The following NECAP1 variants were observed in gnomAD, a reference collection of about 807,000 sequenced individuals.
NECAP1 encodes the protein NECAP endocytosis associated 1.
A neutral mutation model predicts 33.4 loss-of-function variants in NECAP1; 13 were observed. The ratio of observed to expected loss-of-function variants is 0.39; its 90% CI spans 0.25 to 0.62. The LOEUF is 0.62. Among genes scored for constraint, NECAP1 ranks in the 20% least tolerant of loss-of-function variants. NECAP1 has a pLI of 0.52. For synonymous variants in NECAP1, 109 were observed against 125.2 expected, an observed-to-expected ratio of 0.87 and a Z score of 0.86; for missense variants, 272 against 347.4, an observed-to-expected ratio of 0.78 and a Z score of 1.73.
In NECAP1 at chr12:8,095,722, C is replaced by T; in HGVS notation, c.779+19C>T. On this transcript the variant is annotated intron_variant, in intron 7 of 7. Transcript: ENST00000339754. ...CCTCCAGGTAATGGGCATAGTGAAA[C>T]TAGCATACTCTCAATCAGGGTGTAG... The T allele has an allele frequency of 3.2e-6, 5 of 1,570,630 alleles. No homozygotes were observed. In the South Asian group the frequency reaches 5.5e-5, roughly 17 times the overall value.
intron 6 of NECAP1, chr12:8,094,597 TC>T (rs1403436723): frequency 2.0e-5 from 3 of 152,270 alleles, no homozygotes; most frequent in Non-Finnish European, 4.4e-5. Context: ...CTCCCAAACA[TC>T]TGGGACTACA....
rs749261096 is a variant in NECAP1, at chr12:8,087,010, T to G, written c.96-2926T>G. 3.4e-3 allele frequency among the ~76,000 whole-genome samples: 471 copies of G among 140,384 alleles called. 4 individuals are homozygous for G. Among genetic ancestry groups the G allele is most frequent in the African/African-American group, 0.011 (454 of 40,504 alleles). The allele number at this position is 140,384 out of a possible 152,430, so 92.1% of individuals were successfully genotyped here. ...GTTTTCCAACCTATAAAACTATTTT[T>G]TTTTAAAAAAAAATTCTTCACTACC... On this transcript the variant is annotated intron_variant, in intron 1 of 7. Coordinates refer to ENST00000339754, the MANE Select transcript of NECAP1 (RefSeq NM_015509.4).
At chr12:8,084,994 T>C (rs1250483143) in intron 1 of NECAP1, among the ~76,000 whole-genome samples, 1 of 152,140 alleles carries the variant, frequency 6.6e-6, no homozygotes, top group Non-Finnish European at 1.5e-5. Context: ...ATGATACATA[T>C]TGAAGTGGGA....
In NECAP1 at chr12:8,095,694, C is replaced by T; in HGVS notation, c.770C>T (p.Thr257Ile). The T allele has an allele frequency of 6.2e-7, 1 of 1,611,468 alleles. No homozygotes were observed. Among genetic ancestry groups the T allele is most frequent in the African/African-American group, 1.3e-5 (1 of 75,002 alleles). ...AATGACTTGTGGGGAGACTTCAGCA[C>T]TGCCTCCAGGTAATGGGCATAGTGA... ...VSNDLWGDFS[T>I]ASSSVPNQAP... Residue 257 changes from threonine (T) to isoleucine (I), a missense_variant, in exon 7 of 8, where the codon ACT (threonine) becomes ATT (isoleucine). By Grantham distance (89) the Thr-to-Ile change is moderately conservative. Transcript: ENST00000339754.
At chr12:8,092,213 A>T (rs988260376) in intron 4 of NECAP1, 4 of 314,258 alleles carry the variant, frequency 1.3e-5, no homozygotes, top group African/African-American at 8.8e-5. Flanking sequence ...GACTTTTGCA[A>T]CATTTCTTTA....
intron 1 of NECAP1, among the ~76,000 whole-genome samples, chr12:8,083,708 G>A (rs1295795968): frequency 1.3e-4 from 20 of 148,902 alleles, no homozygotes; most frequent in African/African-American, 4.0e-4. Context: ...GATTACAGGC[G>A]TGACACCACG....
chr12:8,087,906 C>G (rs1340450978), intron 1 of NECAP1, among the ~76,000 whole-genome samples: 1 of 152,128 alleles, frequency 6.6e-6, no homozygotes, highest in Non-Finnish European at 1.5e-5. Context: ...TTTTCACTTT[C>G]ATTTTCCTCC....
At chr12:8,085,757 A>G (rs997760872) in intron 1 of NECAP1, among the ~76,000 whole-genome samples, 1 of 139,416 alleles carries the variant, frequency 7.2e-6, no homozygotes, top group Non-Finnish European at 1.5e-5. Context: ...AGGCTGGCGT[A>G]CAATGGTGTG....
At chr12:8,083,052 T>G (rs746491811) in intron 1 of NECAP1, 2 of 152,474 alleles carry the variant, frequency 1.3e-5, no homozygotes, top group East Asian at 3.9e-4. Flanking sequence ...ATTTTCTGTC[T>G]TCCTTCCCTA....
At chr12:8,083,769 C>T (rs1403679609) in intron 1 of NECAP1, among the ~76,000 whole-genome samples, 4 of 133,870 alleles carry the variant, frequency 3.0e-5, no homozygotes, top group East Asian at 2.5e-4. Context: ...GGCAGGGTCT[C>T]GTTCTATCAT....
intron 3 of NECAP1, 69 bp downstream of exon 3, chr12:8,090,368 T>C: frequency 4.6e-6 from 6 of 1,312,708 alleles, no homozygotes; most frequent in Admixed American, 1.8e-5. Context: ...ATGAAAAGTG[T>C]TTCCGATTGC....
chr12:8,097,352 G>T lies in NECAP1; in HGVS notation c.*1262G>T, dbSNP rs905640571. The T allele has an allele frequency of 4.6e-5, 7 of 152,648 alleles. No homozygotes were observed. Among genetic ancestry groups the T allele is most frequent in the Admixed American group, 3.3e-4 (5 of 15,270 alleles). The allele number at this position is 152,648 out of a possible 1,614,324, so 9.5% of individuals were successfully genotyped here. On this transcript the variant is annotated 3_prime_UTR_variant, in exon 8 of 8. Coordinates refer to ENST00000339754, the MANE Select transcript of NECAP1 (RefSeq NM_015509.4). ...ACGAGCAATTTTGAGGATGAAATGG[G>T]AAGATATCATTGCTTCCTTTTTGCA...
chr12:8,091,646 TC>T (rs776911723), intron 3 of NECAP1, 122 bp from the exon 4 acceptor site: 5 of 770,714 alleles, frequency 6.5e-6, no homozygotes, highest in East Asian at 5.2e-5. Flanking sequence ...CTTTGCTCTC[TC>T]GTGTGCAACT....
chr12:8,095,932 G>A, intron 7 of NECAP1, 110 bp from the exon 8 acceptor site: 1 of 1,372,460 alleles, frequency 7.3e-7, no homozygotes, highest in South Asian at 1.3e-5. Context: ...TTGCCATGAA[G>A]TGTGGTTTTG....
chr12:8,092,644 T>C, intron 4 of NECAP1, 32 bp from the exon 5 acceptor site: 1 of 1,543,806 alleles, frequency 6.5e-7, no homozygotes, highest in East Asian at 2.3e-5. Flanking sequence ...TCAGGAAATC[T>C]CAAACTAAGA....
rs1470114510 is a variant in NECAP1, at chr12:8,097,149, G to A, written c.*1059G>A. ...TGTCATTTGTGAAGGAAGTTGGAGAGTCACAGCTTTACTGTGACAGGTTTT... is the reference window on the plus strand; with the variant it reads ...TGTCATTTGTGAAGGAAGTTGGAGAATCACAGCTTTACTGTGACAGGTTTT... On this transcript the variant is annotated 3_prime_UTR_variant, in exon 8 of 8. Coordinates refer to ENST00000339754, the MANE Select transcript of NECAP1 (RefSeq NM_015509.4). The A allele has an allele frequency of 3.9e-5, 6 of 152,606 alleles. No individual in the cohort carries two copies. Among genetic ancestry groups the A allele is most frequent in the Non-Finnish European group, 7.3e-5 (5 of 68,042 alleles). 9.5% of individuals were successfully genotyped at this position (152,606 alleles called of 1,614,324 possible).
chr12:8,093,335 G>A (rs1947567000), intron 6 of NECAP1: 1 of 398,526 alleles, frequency 2.5e-6, no homozygotes, highest in Admixed American at 4.3e-5. Flanking sequence ...GATGGACCAA[G>A]ATTTTGGTCA....
intron 1 of NECAP1, among the ~76,000 whole-genome samples, chr12:8,084,218 G>T (rs1947468148): frequency 6.6e-6 from 1 of 152,088 alleles, no homozygotes; most frequent in African/African-American, 2.4e-5. Flanking sequence ...TGTGCGCTGG[G>T]CCCTGTGGGT....
At chr12:8,091,414 C>T in intron 3 of NECAP1, 5 of 275,282 alleles carry the variant, frequency 1.8e-5, no homozygotes, top group Admixed American at 4.8e-5. Flanking sequence ...TCAGCGGGAG[C>T]CTTGGGCTTG....
Sources: gnomAD v4.1 joint callset for allele counts (sites outside exome capture counted in the v4.1 genomes callset) on GRCh38, gnomAD v4.1.1 for gene constraint, MANE v1.5 for transcripts, NCBI Gene and HGNC (gene_info 2026-07-23, HGNC 2026-07-21) for gene names.